Variants in ZNF787 observed in about 807,000 individuals in gnomAD.
The protein encoded by ZNF787 is TTF-I-interacting peptide 20.
ZNF787 carries 7 observed loss-of-function variants against 16.9 expected under a neutral mutation model. That is an observed-to-expected ratio of 0.42 (90% CI 0.24 to 0.78). The LOEUF (loss-of-function observed/expected upper bound fraction) is 0.78. ZNF787 is among the 30% of genes least tolerant of loss of function. The pLI is 0.30. For missense variants in ZNF787, 551 were observed against 589.3 expected (o/e 0.94, Z 0.67); for synonymous variants, 345 against 270.9 (o/e 1.27, Z -2.69).
At chr19:56,103,307 G>A (rs1346771599) in intron 1 of ZNF787, 80 bp from the exon 2 acceptor site, 11 of 1,281,840 alleles carry the variant, frequency 8.6e-6, no homozygotes, top group Admixed American at 8.1e-5. Flanking sequence ...GAGGCAGCCT[G>A]CAGACCCCGG....
At chr19:56,101,134 C>T (rs977550506) in intron 2 of ZNF787, among the ~76,000 whole-genome samples, 3 of 147,740 alleles carry the variant, frequency 2.0e-5, no homozygotes, top group South Asian at 2.1e-4. Context: ...ATAGGAGGGA[C>T]GCATGTAGGC....
intron 1 of ZNF787, among the ~76,000 whole-genome samples, chr19:56,113,285 G>A (rs996530636): frequency 2.0e-5 from 3 of 152,084 alleles, no homozygotes; most frequent in African/African-American, 7.2e-5. Context: ...TTGCTGGTGC[G>A]GGCGCCATAG....
At chr19:56,112,560 C>G (rs896163830) in intron 1 of ZNF787, among the ~76,000 whole-genome samples, 1 of 151,180 alleles carries the variant, frequency 6.6e-6, no homozygotes, top group East Asian at 2.0e-4. Context: ...CCTCCTCCTC[C>G]CCCCGCACTC....
chr19:56,105,127 AAATTT>A (rs1423001478), intron 1 of ZNF787, among the ~76,000 whole-genome samples: 2 of 152,066 alleles, frequency 1.3e-5, no homozygotes, highest in Non-Finnish European at 2.9e-5. Context: ...CTCAAAAATT[AAATTT>A]AAAATAAAAT....
rs963610483 is a variant in ZNF787 at position 56,098,476 on chromosome 19, A to G, written c.79+4663T>C. 3.1e-4 allele frequency among the ~76,000 whole-genome samples: 39 copies of G among 127,144 alleles called. No individual in the cohort carries two copies. In the East Asian group the frequency reaches 5.0e-3, roughly 16 times the overall value. The allele number at this position is 127,144 out of a possible 152,430, so 83.4% of individuals were successfully genotyped here. A position where few individuals can be genotyped will look rare whatever the true frequency, so the allele number is the denominator to read the frequency against. ...CGGCCGCAGGGTGATTACGGCCGCA[A>G]GGTGATGCCGCCCGGGTGATTACGG... On this transcript the variant is annotated intron_variant, in intron 2 of 2. Transcript: ENST00000610935.
chr19:56,088,000 G>A lies in ZNF787; in HGVS notation c.*23C>T. The A allele has an allele frequency of 1.0e-6, 1 of 985,002 alleles. No homozygotes were observed. The highest frequency in any genetic ancestry group is 5.9e-5 in the East Asian group (1 of 16,926). 61.0% of individuals were successfully genotyped at this position (985,002 alleles called of 1,614,324 possible). On this transcript the variant is annotated 3_prime_UTR_variant, in exon 3 of 3. Coordinates refer to ENST00000610935, the MANE Select transcript of ZNF787 (RefSeq NM_001002836.4). ...CCGCCAAGCCCGAGGGGCCCTGCCC[G>A]CCCCCCCCCCCGGGCCCCTCCCCTA... is the stretch of plus-strand genomic sequence containing the variant.
intron 2 of ZNF787, among the ~76,000 whole-genome samples, chr19:56,091,933 G>A (rs1444173733): frequency 7.1e-5 from 8 of 112,842 alleles, no homozygotes; most frequent in African/African-American, 1.7e-4. Context: ...CGAAGCCGAA[G>A]CCGAAGCCAA....
chr19:56,099,984 G>A (rs1303601447), intron 2 of ZNF787, among the ~76,000 whole-genome samples: 1 of 152,184 alleles, frequency 6.6e-6, no homozygotes, highest in Non-Finnish European at 1.5e-5. Context: ...CAAGGATAGG[G>A]ACAGAGGTCG....
chr19:56,087,657 T>G lies in ZNF787; in HGVS notation c.*366A>C, dbSNP rs1399192871. ...CTAAAGGGCCTGGTTTCTCCATTCC[T>G]CGCAGCACCCCCCACCCCCGCCCCG... On this transcript the variant is annotated 3_prime_UTR_variant, in exon 3 of 3. Coordinates refer to ENST00000610935, the MANE Select transcript of ZNF787 (RefSeq NM_001002836.4). 5.5e-6 allele frequency: 1 copy of G among 182,814 alleles called. No individual in the cohort carries two copies. Among genetic ancestry groups the G allele is most frequent in the Admixed American group, 6.2e-5 (1 of 16,098 alleles). 11.3% of individuals were successfully genotyped at this position (182,814 alleles called of 1,614,324 possible). A position where few individuals can be genotyped will look rare whatever the true frequency, so the allele number is the denominator to read the frequency against.
At chr19:56,090,073 C>T (rs1376738370) in intron 2 of ZNF787, among the ~76,000 whole-genome samples, 2 of 152,186 alleles carry the variant, frequency 1.3e-5, no homozygotes, top group Admixed American at 1.3e-4. Flanking sequence ...AGCCATGAAT[C>T]ACAATTACAA....
chr19:56,109,272 A>T (rs1299900267), intron 1 of ZNF787, among the ~76,000 whole-genome samples: 2 of 152,156 alleles, frequency 1.3e-5, no homozygotes, highest in Non-Finnish European at 2.9e-5. Flanking sequence ...AGTGAAGGCG[A>T]CGGCACAGAA....
intron 2 of ZNF787, among the ~76,000 whole-genome samples, chr19:56,095,015 G>A (rs1985817453): frequency 6.6e-6 from 1 of 152,210 alleles, no homozygotes. Flanking sequence ...TCGGGAGGTT[G>A]AGGCAGGAGA....
At chr19:56,095,172 G>A (rs1055535859) in intron 2 of ZNF787, among the ~76,000 whole-genome samples, 15 of 152,112 alleles carry the variant, frequency 9.9e-5, no homozygotes, top group African/African-American at 2.2e-4. Flanking sequence ...TGCAGTTCCC[G>A]CTCCTGTGAA....
At chr19:56,096,198 A>G (rs1985859903) in intron 2 of ZNF787, among the ~76,000 whole-genome samples, 1 of 151,782 alleles carries the variant, frequency 6.6e-6, no homozygotes, top group Non-Finnish European at 1.5e-5. Flanking sequence ...AATTGAGACC[A>G]GCCTGGGAAA....
chr19:56,101,655 G>A (rs1218159177), intron 2 of ZNF787: 1 of 152,160 alleles, frequency 6.6e-6, no homozygotes, highest in African/African-American at 2.4e-5. Context: ...TTTTCAAGGA[G>A]TCCTTACATG....
intron 2 of ZNF787, among the ~76,000 whole-genome samples, chr19:56,092,923 T>C (rs376592720): frequency 7.1e-6 from 1 of 141,678 alleles, no homozygotes; most frequent in Non-Finnish European, 1.5e-5. Flanking sequence ...GTGGCGGAAG[T>C]GGGATCCCCA....
rs74406635 is a variant in ZNF787, at chr19:56,091,969, G to A, written c.80-2877C>T. Among the ~76,000 whole-genome samples, 522 of 75,776 alleles carry A rather than the reference G, an allele frequency of 6.9e-3. 1 individual carries two copies. The highest frequency in any genetic ancestry group is 0.035 in the Middle Eastern group (4 of 114). 49.7% of individuals were successfully genotyped at this position (75,776 alleles called of 152,430 possible). On this transcript the variant is annotated intron_variant, in intron 2 of 2. Transcript: ENST00000610935. ...AGCCAAAGCCGAAACCGAAACCGAA[G>A]CCAAAGCCGAAGGCGAAACCGAAGC...
rs373890066 is a variant in ZNF787 at position 56,110,995 on chromosome 19, G to A, written c.-10-7768C>T. 9.5e-4 allele frequency among the ~76,000 whole-genome samples: 144 copies of A among 152,334 alleles called. 1 individual carries two copies. Among genetic ancestry groups the A allele is most frequent in the African/African-American group, 3.3e-3 (136 of 41,588 alleles). On this transcript the variant is annotated intron_variant, in intron 1 of 2. Coordinates refer to ENST00000610935, the MANE Select transcript of ZNF787 (RefSeq NM_001002836.4). The stretch of plus-strand genomic sequence containing the variant: ...GAGGGGCTGACCCCGGGCGGGGAGC[G>A]CTGGGCCTCAAACTGCCCCCCAGAT...
intron 2 of ZNF787, among the ~76,000 whole-genome samples, chr19:56,095,122 A>C (rs1985822862): frequency 6.6e-6 from 1 of 152,174 alleles, no homozygotes. Context: ...TCAAAAAATA[A>C]GATTCTCATA....
Sources: gnomAD v4.1 joint callset for allele counts (sites outside exome capture counted in the v4.1 genomes callset) on GRCh38, gnomAD v4.1.1 for gene constraint, MANE v1.5 for transcripts, NCBI Gene and HGNC (gene_info 2026-07-23, HGNC 2026-07-21) for gene names.